Variants in TULP4 observed in about 807,000 individuals in gnomAD.
TULP4 encodes tubby-related protein 4.
TULP4 carries 16 observed loss-of-function variants against 129.0 expected under a neutral mutation model. That is an observed-to-expected ratio of 0.12 (90% CI 0.08 to 0.19). TULP4 has a LOEUF of 0.19. Ranked by LOEUF, TULP4 falls within the 10% of genes least tolerant of loss-of-function variation. The pLI, the probability that TULP4 is intolerant of heterozygous loss-of-function variation, is 1.00. For missense variants in TULP4, 1,842 were observed against 2,059.1 expected (o/e 0.89, Z 2.04); for synonymous variants, 998 against 854.0 (o/e 1.17, Z -2.94).
chr6:158,243,527 CTT>C (rs1172772565), intron 1 of TULP4, among the ~76,000 whole-genome samples: 1 of 151,446 alleles, frequency 6.6e-6, no homozygotes. Flanking sequence ...TTTAAAGTCT[CTT>C]TTAACCTATA....
At chr6:158,257,197 C>T (rs564504962) in intron 1 of TULP4, among the ~76,000 whole-genome samples, 18 of 152,076 alleles carry the variant, frequency 1.2e-4, no homozygotes, top group East Asian at 1.9e-4. Flanking sequence ...CCCCTGCCCC[C>T]TCTCCCTCCC....
At chr6:158,331,771 G>GTATATATATATATATATA (rs553636109) in intron 1 of TULP4, among the ~76,000 whole-genome samples, 2 of 30,854 alleles carry the variant, frequency 6.5e-5, no homozygotes, top group Non-Finnish European at 1.1e-4. Flanking sequence ...ATATATACAC[G>GTATATATATATATATATA]TATATATACA....
At chr6:158,340,406 GC>G (rs1450524587) in intron 1 of TULP4, among the ~76,000 whole-genome samples, 1 of 152,016 alleles carries the variant, frequency 6.6e-6, no homozygotes, top group Non-Finnish European at 1.5e-5. Flanking sequence ...TTTCCCTCCT[GC>G]CCTGACGCTG....
chr6:158,338,630 T>G (rs770052738), intron 1 of TULP4, among the ~76,000 whole-genome samples: 3 of 152,188 alleles, frequency 2.0e-5, no homozygotes, highest in Non-Finnish European at 4.4e-5. Flanking sequence ...ATTTGTGACA[T>G]TGAATCAGCC....
At chr6:158,400,985 T>C (rs1459359558) in intron 1 of TULP4, among the ~76,000 whole-genome samples, 1 of 152,188 alleles carries the variant, frequency 6.6e-6, no homozygotes, top group African/African-American at 2.4e-5. Context: ...ATAGCTTTTC[T>C]GGATTAAGAA....
intron 9 of TULP4, 94 bp downstream of exon 9, chr6:158,489,826 A>T (rs909822779): frequency 2.3e-5 from 33 of 1,453,168 alleles, no homozygotes; most frequent in Non-Finnish European, 3.1e-5. Flanking sequence ...TGACCAGAAG[A>T]GTCAAAGAGC....
At chr6:158,407,634 A>G (rs1334182759) in intron 1 of TULP4, among the ~76,000 whole-genome samples, 1 of 152,252 alleles carries the variant, frequency 6.6e-6, no homozygotes, top group Non-Finnish European at 1.5e-5. Context: ...TCTCAATACA[A>G]TGGAATGTTA....
chr6:158,255,714 T>G (rs1285026029), intron 1 of TULP4, among the ~76,000 whole-genome samples: 1 of 152,220 alleles, frequency 6.6e-6, no homozygotes, highest in African/African-American at 2.4e-5. Flanking sequence ...TGCACCATGC[T>G]TGGCACCCAC....
intron 1 of TULP4, among the ~76,000 whole-genome samples, chr6:158,348,730 G>C (rs1363885399): frequency 6.6e-6 from 1 of 151,800 alleles, no homozygotes; most frequent in Non-Finnish European, 1.5e-5. Flanking sequence ...GGGGCGGCTG[G>C]GCAGAGGGGC....
At chr6:158,388,490 C>T (rs1242132076) in intron 1 of TULP4, among the ~76,000 whole-genome samples, 7 of 151,468 alleles carry the variant, frequency 4.6e-5, no homozygotes, top group Admixed American at 1.3e-4. Context: ...TCACAACGCC[C>T]GGCTAATTTT....
intron 1 of TULP4, among the ~76,000 whole-genome samples, chr6:158,239,423 A>C (rs1212562821): frequency 2.3e-5 from 1 of 42,758 alleles, no homozygotes. Flanking sequence ...TGACCCCCCC[A>C]CCTCCCTCCC....
At chr6:158,292,507 C>G (rs1287033012) in intron 1 of TULP4, among the ~76,000 whole-genome samples, 3 of 152,152 alleles carry the variant, frequency 2.0e-5, no homozygotes, top group African/African-American at 7.2e-5. Context: ...GTAATTTACT[C>G]AAGATCTAGT....
chr6:158,484,829 C>T (rs1047090626), intron 8 of TULP4, among the ~76,000 whole-genome samples: 5 of 152,226 alleles, frequency 3.3e-5, no homozygotes, highest in Non-Finnish European at 7.3e-5. Context: ...TGTGCACGCA[C>T]GCTTGTGCGT....
intron 3 of TULP4, 121 bp downstream of exon 3, chr6:158,430,018 C>T: frequency 1.1e-6 from 1 of 929,884 alleles, no homozygotes; most frequent in Non-Finnish European, 1.5e-6. Context: ...TGGAAAAGAA[C>T]AATAAAACTG....
chr6:158,356,715 C>T (rs906057471), intron 1 of TULP4, among the ~76,000 whole-genome samples: 21 of 151,822 alleles, frequency 1.4e-4, no homozygotes, highest in Admixed American at 6.6e-5. Context: ...GGGTAATTGA[C>T]GGGGAGGGGC....
chr6:158,339,867 A>G (rs9457351), intron 1 of TULP4, among the ~76,000 whole-genome samples: 131,852 of 152,184 alleles, frequency 0.87, 57,485 homozygotes, highest in South Asian at 0.93. Context: ...CTCAGCTTAC[A>G]AAGATGACAG....
At chr6:158,446,933 A>G (rs1053850924) in intron 3 of TULP4, among the ~76,000 whole-genome samples, 2 of 152,120 alleles carry the variant, frequency 1.3e-5, no homozygotes, top group African/African-American at 4.8e-5. Context: ...ATCATCCCCC[A>G]AAGACCTTAC....
At chr6:158,245,997 C>T (rs911625832) in intron 1 of TULP4, among the ~76,000 whole-genome samples, 2 of 148,390 alleles carry the variant, frequency 1.3e-5, no homozygotes, top group East Asian at 2.0e-4. Flanking sequence ...TATGATTGAC[C>T]GTGAGTAATT....
intron 1 of TULP4, among the ~76,000 whole-genome samples, chr6:158,363,543 G>T (rs1396319415): frequency 6.6e-6 from 1 of 152,202 alleles, no homozygotes; most frequent in East Asian, 1.9e-4. Context: ...GAGTGCAGTG[G>T]CACGATCTTG....
Sources: allele counts gnomAD v4.1 joint callset (sites outside exome capture counted in the v4.1 genomes callset), GRCh38; gene constraint gnomAD v4.1.1; transcripts MANE v1.5; gene names NCBI Gene and HGNC (gene_info 2026-07-23, HGNC 2026-07-21).